Variants in DRC11 observed in about 807,000 individuals in gnomAD.
DRC11 encodes IQ and AAA domain-containing protein 1.
At chr2:236,491,940 A>G in the DRC11 span, among the ~76,000 whole-genome samples, 3 of 152,160 alleles carry the variant, frequency 2.0e-5, no homozygotes, top group African/African-American at 7.2e-5. Flanking sequence ...TTAAGAGGTG[A>G]TAAGGTCATG....
At chr2:236,474,998 T>C in the DRC11 span, among the ~76,000 whole-genome samples, 2 of 152,180 alleles carry the variant, frequency 1.3e-5, no homozygotes, top group African/African-American at 2.4e-5. Flanking sequence ...CCTACTCTTT[T>C]AGCTATTTAG....
the DRC11 span, chr2:236,486,762 AAGAC>A: frequency 9.5e-7 from 1 of 1,048,256 alleles, no homozygotes; most frequent in East Asian, 2.4e-5. This position sits in a 1 kb window ranked among gnomAD's most constrained non-coding sequence, Gnocchi z 5.7. Flanking sequence ...CTCTCAGAAG[AAGAC>A]ACAGTCTCAC....
At chr2:236,348,094 C>T in the DRC11 span, among the ~76,000 whole-genome samples, 2 of 152,168 alleles carry the variant, frequency 1.3e-5, no homozygotes, top group Admixed American at 6.5e-5. The surrounding 1 kb of genome is among the most constrained non-coding windows in gnomAD (Gnocchi z 7.4). Flanking sequence ...TTTAAAAGAA[C>T]GTTTAATAAA....
chr2:236,444,199 T>C, the DRC11 span, among the ~76,000 whole-genome samples: 1 of 152,264 alleles, frequency 6.6e-6, no homozygotes, highest in African/African-American at 2.4e-5. Context: ...TTTAATTAGA[T>C]CCCATTTGTC....
At chr2:236,483,317 A>G in the DRC11 span, among the ~76,000 whole-genome samples, 13 of 152,354 alleles carry the variant, frequency 8.5e-5, no homozygotes, top group Non-Finnish European at 1.8e-4. The surrounding 1 kb of genome is among the most constrained non-coding windows in gnomAD (Gnocchi z 4.8). Flanking sequence ...GGATTCTGAC[A>G]GCACACCTAA....
the DRC11 span, among the ~76,000 whole-genome samples, chr2:236,322,783 A>G: frequency 2.6e-5 from 4 of 152,212 alleles, no homozygotes; most frequent in African/African-American, 9.6e-5. Context: ...CACACCAGCC[A>G]TGTGTGGCTA....
the DRC11 span, among the ~76,000 whole-genome samples, chr2:236,366,000 A>C: frequency 6.6e-6 from 1 of 152,172 alleles, no homozygotes; most frequent in Non-Finnish European, 1.5e-5. The surrounding 1 kb of genome is among the most constrained non-coding windows in gnomAD (Gnocchi z 7.4). Flanking sequence ...TGTGACTCCA[A>C]GGAAGTGCCC....
At chr2:236,492,023 G>A in the DRC11 span, among the ~76,000 whole-genome samples, 4,136 of 152,250 alleles carry the variant, frequency 0.027, 180 homozygotes, top group African/African-American at 0.095. Context: ...TGAGCTCACC[G>A]CCTTACTTCT....
the DRC11 span, among the ~76,000 whole-genome samples, chr2:236,439,591 GT>G: frequency 1.3e-5 from 2 of 152,020 alleles, no homozygotes; most frequent in Non-Finnish European, 2.9e-5. Flanking sequence ...TGTATAATTT[GT>G]CAATATAATT....
At chr2:236,429,619 T>C in the DRC11 span, among the ~76,000 whole-genome samples, 2 of 151,906 alleles carry the variant, frequency 1.3e-5, no homozygotes, top group African/African-American at 4.8e-5. The surrounding 1 kb of genome is among the most constrained non-coding windows in gnomAD (Gnocchi z 5.9). Flanking sequence ...ATGCAGTAGG[T>C]GCTCTGGGTC....
At chr2:236,507,350 G>T in the DRC11 span, 2 of 1,435,364 alleles carry the variant, frequency 1.4e-6, no homozygotes, top group Non-Finnish European at 2.0e-6. Flanking sequence ...AGGGGTCAGG[G>T]CACTACCAGG....
At chr2:236,320,500 C>T in the DRC11 span, among the ~76,000 whole-genome samples, 1 of 152,162 alleles carries the variant, frequency 6.6e-6, no homozygotes, top group South Asian at 2.1e-4. Context: ...AGCATCAGGG[C>T]CTTTCAATTT....
At chr2:236,382,260 G>A in the DRC11 span, among the ~76,000 whole-genome samples, 1 of 152,162 alleles carries the variant, frequency 6.6e-6, no homozygotes, top group Non-Finnish European at 1.5e-5. Context: ...AGGCATGTTT[G>A]TGTGGGCCTA....
chr2:236,502,691 CATGAA>C, the DRC11 span, among the ~76,000 whole-genome samples: 1 of 150,990 alleles, frequency 6.6e-6, no homozygotes. Context: ...GTGGAAGCCA[CATGAA>C]ATCTAGCTAA....
At chr2:236,424,585 T>C in the DRC11 span, among the ~76,000 whole-genome samples, 8 of 152,230 alleles carry the variant, frequency 5.3e-5, no homozygotes, top group Non-Finnish European at 1.0e-4. Context: ...TTGATACATG[T>C]ACACATTGTG....
the DRC11 span, among the ~76,000 whole-genome samples, chr2:236,414,172 T>C: frequency 6.6e-6 from 1 of 151,852 alleles, no homozygotes; most frequent in Non-Finnish European, 1.5e-5. Flanking sequence ...CTCCCATCCA[T>C]AGCTTTTTTT....
the DRC11 span, among the ~76,000 whole-genome samples, chr2:236,466,630 G>C: frequency 0.014 from 2,169 of 152,160 alleles, 57 homozygotes; most frequent in African/African-American, 0.049. Context: ...GGGAGCAAGA[G>C]ATAAAGAAGG....
chr2:236,355,224 C>T, the DRC11 span, among the ~76,000 whole-genome samples: 2 of 152,120 alleles, frequency 1.3e-5, no homozygotes, highest in East Asian at 1.9e-4. Context: ...GGACTCTGGG[C>T]GCTAGTGAGG....
chr2:236,342,236 G>A, the DRC11 span, among the ~76,000 whole-genome samples: 22 of 152,358 alleles, frequency 1.4e-4, no homozygotes, highest in South Asian at 2.9e-3. This position sits in a 1 kb window ranked among gnomAD's most constrained non-coding sequence, Gnocchi z 5.8. Context: ...CCTCCTGGAT[G>A]TTCTTCTCTG....
Sources: allele counts gnomAD v4.1 joint callset (sites outside exome capture counted in the v4.1 genomes callset), GRCh38; gene constraint gnomAD v4.1.1; non-coding constraint Gnocchi (gnomAD v3.1); transcripts MANE v1.5; gene names NCBI Gene and HGNC (gene_info 2026-07-23, HGNC 2026-07-21).